Variants in GALNTL6 observed in about 807,000 individuals in gnomAD.
The protein encoded by GALNTL6 is polypeptide N-acetylgalactosaminyltransferase-like 6.
In GALNTL6, 46 loss-of-function variants were observed where a neutral mutation model predicts 73.7. The ratio of observed to expected loss-of-function variants is 0.62; its 90% confidence interval spans 0.49 to 0.80. The LOEUF is 0.80. Among genes scored for constraint, GALNTL6 ranks in the 30% least tolerant of loss-of-function variants. GALNTL6 has a pLI of 0.00. For missense variants in GALNTL6, 604 were observed against 755.0 expected, an observed-to-expected ratio of 0.80 and a Z score of 2.34; for synonymous variants, 259 against 263.7, an observed-to-expected ratio of 0.98 and a Z score of 0.17.
chr4:172,262,319 C>A (rs1738285333), intron 3 of GALNTL6, among the ~76,000 whole-genome samples: 1 of 151,392 alleles, frequency 6.6e-6, no homozygotes, highest in Non-Finnish European at 1.5e-5. Flanking sequence ...GTGTTAGGTG[C>A]ATATATATTT....
At chr4:172,085,633 G>T (rs1041888597) in intron 2 of GALNTL6, among the ~76,000 whole-genome samples, 1 of 151,394 alleles carries the variant, frequency 6.6e-6, no homozygotes, top group Non-Finnish European at 1.5e-5. Context: ...TTTAAATAAC[G>T]TATTTTAATT....
chr4:172,744,942 C>T (rs1055878040), intron 5 of GALNTL6, among the ~76,000 whole-genome samples: 3 of 150,288 alleles, frequency 2.0e-5, no homozygotes, highest in Non-Finnish European at 4.4e-5. Flanking sequence ...GAACATTTTC[C>T]CTTGCCATTC....
At chr4:172,045,426 T>C (rs183214898) in intron 2 of GALNTL6, among the ~76,000 whole-genome samples, 130 of 152,194 alleles carry the variant, frequency 8.5e-4, no homozygotes, top group Middle Eastern at 6.8e-3. Context: ...TTCTCAGTTT[T>C]TGCTAATTTA....
At chr4:171,904,101 A>G (rs1737195088) in intron 2 of GALNTL6, among the ~76,000 whole-genome samples, 1 of 152,238 alleles carries the variant, frequency 6.6e-6, no homozygotes, top group Admixed American at 6.5e-5. Context: ...CCTCCTCCAA[A>G]GGAACGTAGT....
intron 5 of GALNTL6, among the ~76,000 whole-genome samples, chr4:172,448,207 G>A (rs2111415496): frequency 6.6e-6 from 1 of 152,262 alleles, no homozygotes. Context: ...GATTCTGTTG[G>A]TTCTGTGAGA....
intron 2 of GALNTL6, among the ~76,000 whole-genome samples, chr4:171,917,797 A>G (rs1165019236): frequency 6.6e-6 from 1 of 152,160 alleles, no homozygotes; most frequent in Non-Finnish European, 1.5e-5. Flanking sequence ...GAAACAACCA[A>G]TACAAGTGGA....
At chr4:172,059,038 A>C (rs1395943980) in intron 2 of GALNTL6, among the ~76,000 whole-genome samples, 1 of 152,210 alleles carries the variant, frequency 6.6e-6, no homozygotes, top group East Asian at 1.9e-4. Context: ...TGCAATTGAG[A>C]GACAATCAAT....
chr4:173,016,618 A>G (rs911816281), intron 11 of GALNTL6, among the ~76,000 whole-genome samples: 15 of 152,200 alleles, frequency 9.9e-5, no homozygotes, highest in Non-Finnish European at 4.4e-5. Context: ...TGTTTACCCA[A>G]TGCCTGTACC....
intron 8 of GALNTL6, among the ~76,000 whole-genome samples, chr4:172,902,567 G>T (rs1489872242): frequency 1.3e-5 from 2 of 152,132 alleles, no homozygotes; most frequent in Non-Finnish European, 2.9e-5. Flanking sequence ...AAAAGCTCTT[G>T]ATCAATAGCC....
chr4:172,648,050 A>G (rs1240708472), intron 5 of GALNTL6, among the ~76,000 whole-genome samples: 1 of 152,054 alleles, frequency 6.6e-6, no homozygotes, highest in African/African-American at 2.4e-5. Flanking sequence ...AACTCATTTT[A>G]CTGGGTTTAT....
At chr4:172,195,863 A>G (rs1387021669) in intron 2 of GALNTL6, among the ~76,000 whole-genome samples, 4 of 152,150 alleles carry the variant, frequency 2.6e-5, no homozygotes, top group African/African-American at 9.7e-5. Flanking sequence ...ATATTGTAAC[A>G]TGACAACTGA....
At chr4:172,172,813 T>C (rs1734875160) in intron 2 of GALNTL6, among the ~76,000 whole-genome samples, 1 of 152,196 alleles carries the variant, frequency 6.6e-6, no homozygotes, top group Non-Finnish European at 1.5e-5. Context: ...CCTGTCTGAG[T>C]ACCCATTTAC....
chr4:172,722,241 T>C (rs1735525146), intron 5 of GALNTL6, among the ~76,000 whole-genome samples: 1 of 152,184 alleles, frequency 6.6e-6, no homozygotes, highest in Non-Finnish European at 1.5e-5. Context: ...CAGGTTTAAT[T>C]GTATAGAAAT....
intron 3 of GALNTL6, among the ~76,000 whole-genome samples, chr4:172,288,505 A>G (rs1324495160): frequency 6.6e-6 from 1 of 152,192 alleles, no homozygotes; most frequent in Non-Finnish European, 1.5e-5. Flanking sequence ...TAGATAAAAG[A>G]TAAGAGATCC....
At chr4:171,968,745 A>G (rs1739465009) in intron 2 of GALNTL6, among the ~76,000 whole-genome samples, 2 of 150,124 alleles carry the variant, frequency 1.3e-5, no homozygotes, top group African/African-American at 4.9e-5. Context: ...CTGTCTTGCC[A>G]GTGTCCTCTC....
Position 172,596,446 on chromosome 4 carries a change from C to CA in GALNTL6, c.554-212902dup, listed in dbSNP as rs58136953. On this transcript the variant is annotated intron_variant, in intron 5 of 12. Coordinates refer to ENST00000506823, the MANE Select transcript of GALNTL6 (RefSeq NM_001034845.3). ...GGCAACAGAGGGAGACATTGTCTCT[C>CA]AAAAAAAAAAAAAGAAAAAAAAAAA... Among the ~76,000 whole-genome samples, 631 of 69,488 alleles carry CA rather than the reference C, an allele frequency of 9.1e-3. 2 individuals carry two copies. Among genetic ancestry groups the CA allele is most frequent in the Non-Finnish European group, 0.014 (477 of 34,168 alleles). 45.6% of individuals were successfully genotyped at this position (69,488 alleles called of 152,430 possible). A position where few individuals can be genotyped will look rare whatever the true frequency, so the allele number is the denominator to read the frequency against.
chr4:172,987,212 A>G (rs1376176912), intron 10 of GALNTL6, among the ~76,000 whole-genome samples: 1 of 152,188 alleles, frequency 6.6e-6, no homozygotes, highest in Non-Finnish European at 1.5e-5. Flanking sequence ...AAAAAGGTTT[A>G]ATAGACTCAC....
intron 2 of GALNTL6, among the ~76,000 whole-genome samples, chr4:172,061,994 G>T (rs1731216429): frequency 6.9e-6 from 1 of 145,512 alleles, no homozygotes; most frequent in African/African-American, 2.5e-5. Context: ...TGCTGTGTAG[G>T]CTGGAGTGCA....
At chr4:172,377,589 C>T (rs1303646212) in intron 5 of GALNTL6, among the ~76,000 whole-genome samples, 2 of 152,100 alleles carry the variant, frequency 1.3e-5, no homozygotes, top group Admixed American at 6.5e-5. Context: ...GAGCAGGGGC[C>T]GGTGCCCATC....
Sources: gnomAD v4.1 joint callset for allele counts (sites outside exome capture counted in the v4.1 genomes callset) on GRCh38, gnomAD v4.1.1 for gene constraint, MANE v1.5 for transcripts, NCBI Gene and HGNC (gene_info 2026-07-23, HGNC 2026-07-21) for gene names.